COL10A1: variants seen among roughly 807,000 people sequenced by gnomAD.
COL10A1 encodes collagen type X alpha 1 chain.
Under a neutral mutation model 18.2 loss-of-function variants are expected in COL10A1, and 10 were observed. That is an observed-to-expected ratio of 0.55 (90% CI 0.34 to 0.93). The LOEUF is 0.93. COL10A1 is among the 40% of genes least tolerant of loss of function. The pLI is 0.02. For missense variants in COL10A1, 897 were observed against 853.5 expected, an observed-to-expected ratio of 1.05 and a Z score of -0.64; for synonymous variants, 330 against 316.6, an observed-to-expected ratio of 1.04 and a Z score of -0.45.
chr6:116,173,744 A>G, the COL10A1 span, among the ~76,000 whole-genome samples: 3 of 152,152 alleles, frequency 2.0e-5, no homozygotes, highest in Non-Finnish European at 2.9e-5. Context: ...AAAAATGATA[A>G]AGACAATATA....
At chr6:116,135,896 A>C (rs1397351874) in intron 1 of COL10A1, among the ~76,000 whole-genome samples, 1 of 140,284 alleles carries the variant, frequency 7.1e-6, no homozygotes, top group Admixed American at 7.2e-5. Flanking sequence ...CACATTGCTA[A>C]ATGGTTACCA....
chr6:116,163,582 G>T (rs903455295), upstream of COL10A1, among the ~76,000 whole-genome samples: 1 of 151,840 alleles, frequency 6.6e-6, no homozygotes, highest in Admixed American at 6.6e-5. Context: ...TTTTGGCTTT[G>T]TTGATCCCTT....
the COL10A1 span, among the ~76,000 whole-genome samples, chr6:116,164,849 C>T: frequency 6.6e-6 from 1 of 151,812 alleles, no homozygotes; most frequent in Admixed American, 6.6e-5. Flanking sequence ...TTTGGGAGGC[C>T]GAGGCAGGCA....
the COL10A1 span, among the ~76,000 whole-genome samples, chr6:116,175,934 C>T: frequency 3.3e-5 from 5 of 152,140 alleles, no homozygotes; most frequent in South Asian, 6.2e-4. Context: ...TGTCTTTTAG[C>T]GCTGGGTTGT....
At chr6:116,214,205 G>A in the COL10A1 span, among the ~76,000 whole-genome samples, 1 of 151,944 alleles carries the variant, frequency 6.6e-6, no homozygotes, top group African/African-American at 2.4e-5. Flanking sequence ...CAAGAGTATT[G>A]CTCTCAAGGC....
At chr6:116,187,493 G>T in the COL10A1 span, among the ~76,000 whole-genome samples, 1 of 152,046 alleles carries the variant, frequency 6.6e-6, no homozygotes, top group East Asian at 1.9e-4. Flanking sequence ...CAGTAATTTG[G>T]TCAGAGTGCT....
At chr6:116,150,990 GAAT>G (rs1173699504) in intron 1 of COL10A1, among the ~76,000 whole-genome samples, 1 of 152,156 alleles carries the variant, frequency 6.6e-6, no homozygotes, top group Non-Finnish European at 1.5e-5. Context: ...ACAGGTGAGT[GAAT>G]AAGATGACAT....
chr6:116,177,020 A>G, the COL10A1 span, among the ~76,000 whole-genome samples: 1 of 152,230 alleles, frequency 6.6e-6, no homozygotes, highest in Non-Finnish European at 1.5e-5. Flanking sequence ...CATATATGCT[A>G]CAAAATGTCC....
chr6:116,154,645 AC>A (rs1780137224), intron 1 of COL10A1, among the ~76,000 whole-genome samples: 1 of 145,106 alleles, frequency 6.9e-6, no homozygotes. Context: ...TGGTAAACTT[AC>A]AGATTAATTT....
At chr6:116,178,102 C>CGT in the COL10A1 span, among the ~76,000 whole-genome samples, 4 of 94,472 alleles carry the variant, frequency 4.2e-5, no homozygotes, top group African/African-American at 2.5e-4. Flanking sequence ...CGCGCGCGCG[C>CGT]GTGCGTGCGT....
At chr6:116,195,889 G>A in the COL10A1 span, among the ~76,000 whole-genome samples, 2 of 152,022 alleles carry the variant, frequency 1.3e-5, no homozygotes, top group African/African-American at 2.4e-5. Context: ...GCTATTTTAA[G>A]CCACAAGTTG....
chr6:116,139,771 G>C (rs1170728151), intron 1 of COL10A1, among the ~76,000 whole-genome samples: 1 of 152,196 alleles, frequency 6.6e-6, no homozygotes, highest in South Asian at 2.1e-4. Context: ...TGCTTAAAAG[G>C]CATTATAAAT....
chr6:116,216,290 C>T, the COL10A1 span, among the ~76,000 whole-genome samples: 1 of 151,984 alleles, frequency 6.6e-6, no homozygotes, highest in South Asian at 2.1e-4. Flanking sequence ...GCAAAATACA[C>T]AGAAAATAAT....
intron 1 of COL10A1, among the ~76,000 whole-genome samples, chr6:116,132,755 T>C (rs1045957226): frequency 6.6e-6 from 1 of 152,166 alleles, no homozygotes; most frequent in Non-Finnish European, 1.5e-5. Context: ...ATACTGACTT[T>C]CCTGTTCTTC....
chr6:116,123,319 G>C (rs754669320), intron 2 of COL10A1, among the ~76,000 whole-genome samples: 1 of 152,196 alleles, frequency 6.6e-6, no homozygotes. Flanking sequence ...TTCTCAGTGC[G>C]AGAAAGAATT....
At chr6:116,207,614 A>C in the COL10A1 span, among the ~76,000 whole-genome samples, 2 of 151,940 alleles carry the variant, frequency 1.3e-5, no homozygotes, top group Non-Finnish European at 2.9e-5. Flanking sequence ...AACTTGTTGC[A>C]TTAGATTGGA....
upstream of COL10A1, among the ~76,000 whole-genome samples, chr6:116,160,049 C>T (rs775162205): frequency 2.0e-4 from 31 of 152,022 alleles, no homozygotes; most frequent in Non-Finnish European, 4.3e-4. Context: ...CATGACTTTG[C>T]TATTGTGAAT....
intron 1 of COL10A1, among the ~76,000 whole-genome samples, chr6:116,151,533 A>G (rs1780037695): frequency 6.6e-6 from 1 of 152,228 alleles, no homozygotes; most frequent in South Asian, 2.1e-4. Flanking sequence ...TAAATTCGTT[A>G]ATATAAGACT....
the COL10A1 span, among the ~76,000 whole-genome samples, chr6:116,181,168 C>G: frequency 1.4e-4 from 22 of 151,922 alleles, no homozygotes; most frequent in Non-Finnish European, 2.7e-4. Context: ...GTTATACTCA[C>G]CTCTCTACTG....
Sources: gnomAD v4.1 joint callset for allele counts (sites outside exome capture counted in the v4.1 genomes callset) on GRCh38, gnomAD v4.1.1 for gene constraint, MANE v1.5 for transcripts, NCBI Gene and HGNC (gene_info 2026-07-23, HGNC 2026-07-21) for gene names.